The following IL15 variants were observed in gnomAD, a reference collection of about 807,000 sequenced individuals.
The protein encoded by IL15 is interleukin-15.
IL15 carries 11 observed loss-of-function variants against 19.6 expected under a neutral mutation model. The observed-to-expected ratio is 0.56, with a 90% CI of 0.35 to 0.93. The LOEUF (loss-of-function observed/expected upper bound fraction) is 0.93, where lower values mean the gene tolerates loss of function less well. Among genes scored for constraint, IL15 ranks in the 40% least tolerant of loss-of-function variants. The pLI is 0.01. For synonymous variants in IL15, 58 were observed against 59.6 expected (o/e 0.97, Z 0.12); for missense variants, 197 against 186.5 (o/e 1.06, Z -0.33).
At chr4:141,732,663 G>T in intron 7 of IL15, 75 bp from the exon 8 acceptor site, 1 of 1,564,114 alleles carries the variant, frequency 6.4e-7, no homozygotes, top group South Asian at 1.2e-5. Context: ...CAAACGATAT[G>T]ATATTCCCAT....
chr4:141,712,735 A>G (rs1457658672), intron 2 of IL15, among the ~76,000 whole-genome samples: 1 of 150,922 alleles, frequency 6.6e-6, no homozygotes, highest in African/African-American at 2.4e-5. Flanking sequence ...AGTGATTGAA[A>G]CTAAGATGTC....
At chr4:141,650,819 G>A (rs140625346) in intron 1 of IL15, among the ~76,000 whole-genome samples, 30 of 151,976 alleles carry the variant, frequency 2.0e-4, no homozygotes, top group South Asian at 8.3e-4. Flanking sequence ...TCTAATCTCC[G>A]TATTTTAAAG....
chr4:141,667,503 T>G (rs1728030701), intron 2 of IL15, among the ~76,000 whole-genome samples: 1 of 152,176 alleles, frequency 6.6e-6, no homozygotes, highest in Non-Finnish European at 1.5e-5. Context: ...TGTTGTGGTG[T>G]GAGAGTAGAG....
intron 2 of IL15, among the ~76,000 whole-genome samples, chr4:141,689,207 G>C (rs1001234459): frequency 1.3e-5 from 2 of 152,130 alleles, no homozygotes; most frequent in Non-Finnish European, 2.9e-5. Context: ...ATTGCAAAGA[G>C]CAAAAGAACA....
At chr4:141,645,084 A>G (rs890556421) in intron 1 of IL15, among the ~76,000 whole-genome samples, 4 of 152,042 alleles carry the variant, frequency 2.6e-5, no homozygotes, top group African/African-American at 9.7e-5. Context: ...CCTTTTATAT[A>G]CTCACTTTTG....
intron 2 of IL15, among the ~76,000 whole-genome samples, chr4:141,683,627 G>C (rs1293156629): frequency 6.6e-6 from 1 of 151,260 alleles, no homozygotes; most frequent in Non-Finnish European, 1.5e-5. Flanking sequence ...TTCTCCTCTT[G>C]TTTGTTATAG....
At chr4:141,725,883 C>A (rs116095439) in intron 5 of IL15, among the ~76,000 whole-genome samples, 1 of 152,164 alleles carries the variant, frequency 6.6e-6, no homozygotes, top group Non-Finnish European at 1.5e-5. Context: ...CTGAAAAGTT[C>A]AAGGTTGAGG....
chr4:141,657,860 A>G (rs1287276170), intron 2 of IL15, among the ~76,000 whole-genome samples: 1 of 152,246 alleles, frequency 6.6e-6, no homozygotes, highest in African/African-American at 2.4e-5. Flanking sequence ...ACACCATACA[A>G]TAATGATAAA....
chr4:141,678,605 A>ATT (rs5862541), intron 2 of IL15, among the ~76,000 whole-genome samples: 1 of 126,598 alleles, frequency 7.9e-6, no homozygotes, highest in Non-Finnish European at 1.6e-5. Flanking sequence ...GATTTCGTTG[A>ATT]TTTTTTTTTT....
intron 2 of IL15, among the ~76,000 whole-genome samples, chr4:141,660,367 A>G (rs1727746226): frequency 6.6e-6 from 1 of 152,174 alleles, no homozygotes; most frequent in African/African-American, 2.4e-5. Flanking sequence ...TTAGCTAGGG[A>G]TGCAGCTTAC....
intron 2 of IL15, among the ~76,000 whole-genome samples, chr4:141,689,876 T>A (rs1167532634): frequency 6.6e-6 from 1 of 152,082 alleles, no homozygotes; most frequent in Non-Finnish European, 1.5e-5. Context: ...AGCCCTTGGG[T>A]GGTCGATGGG....
chr4:141,702,990 G>A (rs1412204548), intron 2 of IL15, among the ~76,000 whole-genome samples: 4 of 152,198 alleles, frequency 2.6e-5, no homozygotes, highest in African/African-American at 9.7e-5. Flanking sequence ...CCAGAGGTGA[G>A]TATAACTGCC....
At position 141,681,647 on chromosome 4, in the gene IL15, A is replaced by G. The variant is rs765363796; in HGVS notation, c.-100+25340A>G. Among the ~76,000 whole-genome samples the G allele has an allele frequency of 2.2e-4, 33 of 152,164 alleles. 1 individual carries two copies. The highest frequency in any genetic ancestry group is 4.1e-4 in the Non-Finnish European group (28 of 68,034). On this transcript the variant is annotated intron_variant, in intron 2 of 7. Coordinates refer to ENST00000320650, the MANE Select transcript of IL15 (RefSeq NM_000585.5). ...AGTGAAATAACAGGATTGTTAACAA[A>G]TTTTCATTCCCATATAATTTATGTT... is the stretch of plus-strand genomic sequence containing the variant.
chr4:141,722,073 T>C (rs1579052282), intron 5 of IL15, 65 bp downstream of exon 5: 2 of 1,458,948 alleles, frequency 1.4e-6, no homozygotes, highest in East Asian at 4.7e-5. Context: ...CTCTCTGTGT[T>C]TTTCTGTCTG....
chr4:141,658,969 C>T (rs1188737203), intron 2 of IL15, among the ~76,000 whole-genome samples: 2 of 151,090 alleles, frequency 1.3e-5, no homozygotes, highest in Admixed American at 1.3e-4. Context: ...AAGCCATTCT[C>T]CTGCCTCAGC....
At chr4:141,682,124 T>C (rs1374918247) in intron 2 of IL15, among the ~76,000 whole-genome samples, 3 of 152,218 alleles carry the variant, frequency 2.0e-5, no homozygotes, top group Admixed American at 6.5e-5. Context: ...AGCGTGCCTG[T>C]CTCCCTTCAA....
chr4:141,645,910 T>C (rs1267100728), intron 1 of IL15, among the ~76,000 whole-genome samples: 1 of 152,102 alleles, frequency 6.6e-6, no homozygotes, highest in Non-Finnish European at 1.5e-5. Flanking sequence ...GTTTCAGGGT[T>C]GTCAGACTCT....
intron 1 of IL15, among the ~76,000 whole-genome samples, chr4:141,650,408 C>A (rs1450683083): frequency 1.3e-5 from 2 of 152,120 alleles, no homozygotes; most frequent in East Asian, 1.9e-4. Context: ...TATGGAGGTG[C>A]AAGCCCCAAA....
At chr4:141,723,283 T>A (rs1026237045) in intron 5 of IL15, among the ~76,000 whole-genome samples, 1 of 152,188 alleles carries the variant, frequency 6.6e-6, no homozygotes, top group Non-Finnish European at 1.5e-5. Flanking sequence ...TTTGCAAATA[T>A]AATTAATGAA....
Sources: allele counts gnomAD v4.1 joint callset (sites outside exome capture counted in the v4.1 genomes callset), GRCh38; gene constraint gnomAD v4.1.1; transcripts MANE v1.5; gene names NCBI Gene and HGNC (gene_info 2026-07-23, HGNC 2026-07-21).